RAB5B: variants seen among roughly 807,000 people sequenced by gnomAD.
The protein encoded by RAB5B is ras-related protein Rab-5B.
In RAB5B, 11 loss-of-function variants were observed where a neutral mutation model predicts 28.6. The observed-to-expected ratio is 0.38, with a 90% CI of 0.24 to 0.64. The LOEUF is 0.64. Among genes scored for constraint, RAB5B ranks in the 30% least tolerant of loss-of-function variants. The pLI is 0.53. For synonymous variants in RAB5B, 93 were observed against 97.9 expected, an observed-to-expected ratio of 0.95 and a Z score of 0.29; for missense variants, 169 against 265.6, an observed-to-expected ratio of 0.64 and a Z score of 2.53.
chr12:55,991,558 T>C, intron 5 of RAB5B, 105 bp downstream of exon 5: 1 of 879,632 alleles, frequency 1.1e-6, no homozygotes. Context: ...TTGCAAAAAC[T>C]TTAGGTATGG....
At position 55,991,419 on chromosome 12, in the gene RAB5B, A is replaced by G. The variant is rs760743752; in HGVS notation, c.498A>G (p.Thr166=). The change falls in exon 5 of 6, where the codon ACA becomes ACG. Residue 166 remains threonine, a synonymous_variant. Transcript: ENST00000360299. ...SLLFMETSAK[T]AMNVNDLFLA... is the part of the protein sequence containing the mutation. ...TGTTCATGGAGACTTCAGCCAAGAC[A>G]GCTATGAACGTGAATGATCTCTTCC... 6.8e-6 allele frequency: 11 copies of G among 1,614,146 alleles called. No individual in the cohort carries two copies. The highest frequency in any genetic ancestry group is 8.5e-6 in the Non-Finnish European group (10 of 1,179,978).
At chr12:55,981,031 C>T in intron 1 of RAB5B, 2 of 1,613,642 alleles carry the variant, frequency 1.2e-6, no homozygotes, top group Middle Eastern at 3.3e-4. Flanking sequence ...AGGCTTTGGC[C>T]ATGGCGGACA....
chr12:55,989,892 G>A, intron 2 of RAB5B, 55 bp from the exon 3 acceptor site: 1 of 1,547,588 alleles, frequency 6.5e-7, no homozygotes, highest in East Asian at 2.3e-5. Context: ...GGGGAGGGAT[G>A]TTCCCATTCA....
intron 2 of RAB5B, among the ~76,000 whole-genome samples, chr12:55,989,711 A>T (rs1257916831): frequency 1.3e-5 from 2 of 152,198 alleles, no homozygotes; most frequent in East Asian, 3.8e-4. Flanking sequence ...TTAGTTTATG[A>T]TGTACCCCCA....
rs754369944 is a variant in RAB5B at position 55,990,050 on chromosome 12, C to T, written c.267C>T (p.Tyr89=). The change falls in exon 3 of 6, where the codon TAC becomes TAT. Residue 89 remains tyrosine, a synonymous_variant. Transcript: ENST00000360299. ...GATATCACAGCTTAGCCCCCATGTA[C>T]TACAGGGGTGCCCAAGCTGCAATCG... is the stretch of plus-strand genomic sequence containing the variant. ...QERYHSLAPM[Y]YRGAQAAIVV... 3.4e-5 allele frequency: 55 copies of T among 1,614,050 alleles called. No individual in the cohort carries two copies. In the South Asian group the frequency reaches 5.6e-4, roughly 16 times the overall value.
chr12:55,978,652 TGCTGTGCTCTGAAG>T (rs1433643690), intron 1 of RAB5B, among the ~76,000 whole-genome samples: 5 of 152,188 alleles, frequency 3.3e-5, no homozygotes, highest in African/African-American at 1.2e-4. Flanking sequence ...TCAGGCAGCA[TGCTGTGCTCTGAAG>T]ATTTTAAGAT....
rs1233422685 is a variant in RAB5B, at chr12:55,992,202, G to T, written c.638G>T (p.Cys213Phe). The change falls in exon 6 of 6, where the codon TGT becomes TTT. Residue 213 changes from cysteine (C) to phenylalanine (F), a missense_variant. By Grantham distance (205) the Cys-to-Phe change is radical. This residue lies in a region of RAB5B where 123 missense variants were observed against 162.4 expected (regional missense o/e 0.76). Transcript: ENST00000360299. Reference sequence around the variant, plus strand: ...TCCCAGCAGAACAAGAGCCAGTGTTGTAGCAACTGAGGGGGTGGCTAGCAG... The same window carrying T: ...TCCCAGCAGAACAAGAGCCAGTGTTTTAGCAACTGAGGGGGTGGCTAGCAG... ...EQSQQNKSQC[C>F]SN is the part of the protein sequence containing the mutation. 6.2e-7 allele frequency: 1 copy of T among 1,613,570 alleles called. No homozygotes were observed. The highest frequency in any genetic ancestry group is 1.3e-5 in the African/African-American group (1 of 75,020).
chr12:55,984,729 G>GC (rs1889907972), intron 1 of RAB5B, among the ~76,000 whole-genome samples: 1 of 152,300 alleles, frequency 6.6e-6, no homozygotes, highest in East Asian at 1.9e-4. Context: ...ATCCACCTCA[G>GC]CCTCCCAAAG....
chr12:55,992,698 C>A lies in RAB5B; in HGVS notation c.*486C>A. 2.7e-6 allele frequency: 1 copy of A among 373,822 alleles called. No homozygotes were observed. The highest frequency in any genetic ancestry group is 5.1e-6 in the Non-Finnish European group (1 of 197,792). The allele number at this position is 373,822 out of a possible 1,614,324, so 23.2% of individuals were successfully genotyped here. A position where few individuals can be genotyped will look rare whatever the true frequency, so the allele number is the denominator to read the frequency against. On this transcript the variant is annotated 3_prime_UTR_variant, in exon 6 of 6. Transcript: ENST00000360299. ...GTTTCCAGTTCATTTACATTAAGGG[C>A]CCTGGGGGAGAATAAAGCTCAGAGC...
chr12:55,987,779 C>T (rs1889993847), intron 2 of RAB5B, among the ~76,000 whole-genome samples: 2 of 150,118 alleles, frequency 1.3e-5, no homozygotes, highest in South Asian at 2.1e-4. Context: ...TGTAGTGAGC[C>T]GAGATTGCGC....
At chr12:55,987,155 G>A in intron 2 of RAB5B, 32 bp downstream of exon 2, 1 of 1,548,460 alleles carries the variant, frequency 6.5e-7, no homozygotes, top group Non-Finnish European at 8.8e-7. Flanking sequence ...GAGATTGAAT[G>A]TTTGGTAAGG....
rs1890154907 is a variant in RAB5B at position 55,992,266 on chromosome 12, C to A, written c.*54C>A. ...AGCTAGCACAAGAGCTAAGAAATAACCTCCATCCCTACCCCTCAGCACACA... is the reference window on the plus strand; with the variant it reads ...AGCTAGCACAAGAGCTAAGAAATAAACTCCATCCCTACCCCTCAGCACACA... On this transcript the variant is annotated 3_prime_UTR_variant, in exon 6 of 6. Transcript: ENST00000360299. 5 of 1,425,928 alleles carry A rather than the reference C, an allele frequency of 3.5e-6. No homozygotes were observed. Among genetic ancestry groups the A allele is most frequent in the African/African-American group, 1.4e-5 (1 of 71,292 alleles). 88.3% of individuals were successfully genotyped at this position (1,425,928 alleles called of 1,614,324 possible). A position where few individuals can be genotyped will look rare whatever the true frequency, so the allele number is the denominator to read the frequency against.
intron 1 of RAB5B, among the ~76,000 whole-genome samples, chr12:55,986,110 C>T (rs1485938566): frequency 6.6e-6 from 1 of 152,138 alleles, no homozygotes; most frequent in East Asian, 1.9e-4. Flanking sequence ...TCTTATCCCA[C>T]ACCCCTAGAG....
intron 1 of RAB5B, among the ~76,000 whole-genome samples, chr12:55,981,461 C>G (rs1370775990): frequency 7.9e-5 from 12 of 152,088 alleles, no homozygotes; most frequent in Non-Finnish European, 2.9e-5. Context: ...CCTGACTGAC[C>G]TTAAGGCTGA....
rs1049023683 is a variant in RAB5B at position 55,994,558 on chromosome 12, A to AG, written c.*2353dup. 13 of 151,764 alleles carry AG rather than the reference A, an allele frequency of 8.6e-5. No homozygotes were observed. Among genetic ancestry groups the AG allele is most frequent in the South Asian group, 4.2e-4 (2 of 4,790 alleles). 9.4% of individuals were successfully genotyped at this position (151,764 alleles called of 1,614,324 possible). On this transcript the variant is annotated 3_prime_UTR_variant, in exon 6 of 6. Coordinates refer to ENST00000360299, the MANE Select transcript of RAB5B (RefSeq NM_002868.4). ...TTTTTTCTTCTGGTCAGTTTTTTTA[A>AG]GGGGGGGTGTTGTGGTTTTTTGTTT...
Position 55,992,466 on chromosome 12 carries a change from CAA to C in RAB5B, c.*256_*257del. 1 of 651,716 alleles carries C rather than the reference CAA, an allele frequency of 1.5e-6. No individual in the cohort carries two copies. The highest frequency in any genetic ancestry group is 2.8e-6 in the Non-Finnish European group (1 of 352,930). 40.4% of individuals were successfully genotyped at this position (651,716 alleles called of 1,614,324 possible). A position where few individuals can be genotyped will look rare whatever the true frequency, so the allele number is the denominator to read the frequency against. The stretch of plus-strand genomic sequence containing the variant: ...TCCCCCCAGGACTTACCTTCCAAAA[CAA>C]ACTTTCTTCACTTTGTATTATAGGT... On this transcript the variant is annotated 3_prime_UTR_variant, in exon 6 of 6. Coordinates refer to ENST00000360299, the MANE Select transcript of RAB5B (RefSeq NM_002868.4).
At chr12:55,989,632 TC>T (rs1220976250) in intron 2 of RAB5B, among the ~76,000 whole-genome samples, 2 of 152,204 alleles carry the variant, frequency 1.3e-5, no homozygotes, top group East Asian at 3.9e-4. Context: ...ATTTTCTCTG[TC>T]ATTTGTTATT....
rs1293553627 is a variant in RAB5B, at chr12:55,995,291, A to G, written c.*3079A>G. ...TTTTTAGTAGAGACGGGGTTTCACC[A>G]TGTTGGTCAGGCTGGTCTTGAACTC... is the stretch of plus-strand genomic sequence containing the variant. On this transcript the variant is annotated 3_prime_UTR_variant, in exon 6 of 6. Coordinates refer to ENST00000360299, the MANE Select transcript of RAB5B (RefSeq NM_002868.4). 3 of 152,074 alleles carry G rather than the reference A, an allele frequency of 2.0e-5. No homozygotes were observed. Among genetic ancestry groups the G allele is most frequent in the South Asian group, 2.1e-4 (1 of 4,830 alleles). 9.4% of individuals were successfully genotyped at this position (152,074 alleles called of 1,614,324 possible).
chr12:55,991,069 T>G, intron 4 of RAB5B: 1 of 528,584 alleles, frequency 1.9e-6, no homozygotes, highest in Non-Finnish European at 3.4e-6. Context: ...AGGGAGCAAT[T>G]AAATTTGTGG....
Sources: allele counts gnomAD v4.1 joint callset (sites outside exome capture counted in the v4.1 genomes callset), GRCh38; gene constraint gnomAD v4.1.1; regional missense constraint gnomAD v4.1.1; transcripts MANE v1.5; gene names NCBI Gene and HGNC (gene_info 2026-07-23, HGNC 2026-07-21).